IL34: variants seen among roughly 807,000 people sequenced by gnomAD.
IL34 encodes interleukin 34, also known as interleukin-34.
IL34 carries 17 observed loss-of-function variants against 25.3 expected under a neutral mutation model. The observed-to-expected ratio is 0.67, with a 90% confidence interval of 0.46 to 1.01. The LOEUF (loss-of-function observed/expected upper bound fraction) is 1.01, where lower values mean the gene tolerates loss of function less well. IL34 is among the 50% of genes least tolerant of loss of function. IL34 has a pLI of 0.00. For missense variants in IL34, 368 were observed against 312.9 expected, an observed-to-expected ratio of 1.18 and a Z score of -1.33; for synonymous variants, 174 against 140.9, an observed-to-expected ratio of 1.23 and a Z score of -1.66.
chr16:70,647,100 T>C (rs1354356080), intron 1 of IL34, 125 bp downstream of exon 1: 1 of 852,020 alleles, frequency 1.2e-6, no homozygotes, highest in East Asian at 3.3e-5. Flanking sequence ...CCAGCCGGAC[T>C]GCAGACACCC....
At chr16:70,612,232 T>C (rs1448747160) in intron 1 of IL34, among the ~76,000 whole-genome samples, 1 of 151,612 alleles carries the variant, frequency 6.6e-6, no homozygotes, top group Non-Finnish European at 1.5e-5. Flanking sequence ...TTTAAGAGTC[T>C]CTAAAGCTGT....
intron 1 of IL34, among the ~76,000 whole-genome samples, chr16:70,600,057 G>A (rs1004601313): frequency 5.9e-5 from 9 of 152,010 alleles, no homozygotes; most frequent in Admixed American, 4.6e-4. Context: ...ACCCTGACAC[G>A]GCTTCTCTGT....
intron 1 of IL34, among the ~76,000 whole-genome samples, chr16:70,636,285 C>G (rs755522933): frequency 5.9e-5 from 9 of 152,104 alleles, no homozygotes; most frequent in African/African-American, 2.2e-4. Flanking sequence ...ATCCCCCTGC[C>G]TCAGCCTCCC....
chr16:70,596,877 G>A (rs985053894), intron 1 of IL34, among the ~76,000 whole-genome samples: 1 of 151,978 alleles, frequency 6.6e-6, no homozygotes, highest in Non-Finnish European at 1.5e-5. Context: ...ATGAGCCACC[G>A]CGACCAGCCT....
intron 1 of IL34, among the ~76,000 whole-genome samples, chr16:70,620,054 T>C (rs1203743693): frequency 2.6e-5 from 4 of 152,012 alleles, no homozygotes; most frequent in Admixed American, 2.6e-4. Context: ...TTGCAACTTT[T>C]TTCTATTATT....
chr16:70,603,279 AT>A (rs1360820244), intron 1 of IL34, among the ~76,000 whole-genome samples: 2 of 151,126 alleles, frequency 1.3e-5, no homozygotes, highest in Non-Finnish European at 2.9e-5. Flanking sequence ...TTTATTTTTT[AT>A]TTGTTATTAT....
At chr16:70,597,991 C>T (rs1021800334) in intron 1 of IL34, among the ~76,000 whole-genome samples, 3 of 152,144 alleles carry the variant, frequency 2.0e-5, no homozygotes, top group Admixed American at 6.5e-5. Flanking sequence ...ACTACAGGTG[C>T]CCGCCACCAT....
intron 1 of IL34, among the ~76,000 whole-genome samples, chr16:70,624,920 G>A (rs1295939519): frequency 2.0e-5 from 3 of 151,902 alleles, no homozygotes; most frequent in Non-Finnish European, 4.4e-5. Context: ...ACAGGCGGGA[G>A]GGAAAGAAGG....
At chr16:70,643,272 C>G (rs1358383513), upstream of IL34, among the ~76,000 whole-genome samples, 2 of 152,302 alleles carry the variant, frequency 1.3e-5, no homozygotes, top group Middle Eastern at 3.4e-3. Flanking sequence ...CCATATTGGC[C>G]AGGCTGGTCT....
At position 70,660,573 on chromosome 16, in the gene IL34, GC is replaced by G. The variant is rs2052382870; in HGVS notation, c.*388del. On this transcript the variant is annotated 3_prime_UTR_variant, in exon 6 of 6. Coordinates refer to ENST00000288098, the MANE Select transcript of IL34 (RefSeq NM_001393494.1). ...GGCGTGGCCATTCTATGACCCCCCAGCCTGGCAGACTGGGGAGCTGGGGGCA... is the reference window on the plus strand; with the variant it reads ...GGCGTGGCCATTCTATGACCCCCCAGCTGGCAGACTGGGGAGCTGGGGGCA... 1 of 188,868 alleles carries G rather than the reference GC, an allele frequency of 5.3e-6. No homozygotes were observed. The highest frequency in any genetic ancestry group is 2.3e-5 in the African/African-American group (1 of 42,816). 11.7% of individuals were successfully genotyped at this position (188,868 alleles called of 1,614,324 possible). A position where few individuals can be genotyped will look rare whatever the true frequency, so the allele number is the denominator to read the frequency against.
At chr16:70,634,253 C>G (rs921770093) in intron 1 of IL34, among the ~76,000 whole-genome samples, 1 of 152,038 alleles carries the variant, frequency 6.6e-6, no homozygotes, top group Non-Finnish European at 1.5e-5. Flanking sequence ...ACTCTGTTTC[C>G]AAACAAGGTC....
chr16:70,650,578 G>A (rs78490754), intron 1 of IL34, among the ~76,000 whole-genome samples: 6,323 of 152,296 alleles, frequency 0.042, 328 homozygotes, highest in African/African-American at 0.12. Context: ...AAAAGACCCA[G>A]TGTGGACAGA....
chr16:70,580,854 G>A (rs1255807705), intron 1 of IL34, among the ~76,000 whole-genome samples: 8 of 151,642 alleles, frequency 5.3e-5, no homozygotes, highest in Admixed American at 5.3e-4. Context: ...GCATAGGTAA[G>A]TCTTTCTCAT....
intron 1 of IL34, among the ~76,000 whole-genome samples, chr16:70,627,192 C>G (rs1482066635): frequency 6.6e-6 from 1 of 152,082 alleles, no homozygotes; most frequent in East Asian, 1.9e-4. Context: ...CTCTTTCAGG[C>G]TATTCTTGCT....
chr16:70,604,175 A>T (rs2050962219), intron 1 of IL34, among the ~76,000 whole-genome samples: 1 of 152,216 alleles, frequency 6.6e-6, no homozygotes, highest in African/African-American at 2.4e-5. Context: ...CAAAGCCTGT[A>T]AGCCAGGCCC....
upstream of IL34, among the ~76,000 whole-genome samples, chr16:70,646,305 C>T (rs1356165456): frequency 1.3e-5 from 2 of 152,142 alleles, no homozygotes; most frequent in Non-Finnish European, 2.9e-5. Flanking sequence ...TGAACTCAAA[C>T]CACCTGTTCA....
At chr16:70,620,464 G>A (rs1375010858) in intron 1 of IL34, among the ~76,000 whole-genome samples, 2 of 152,022 alleles carry the variant, frequency 1.3e-5, no homozygotes, top group Non-Finnish European at 2.9e-5. Flanking sequence ...AGATAGGGTG[G>A]AGGAGCGGAG....
chr16:70,636,115 T>A (rs552850748), intron 1 of IL34, among the ~76,000 whole-genome samples: 1 of 151,992 alleles, frequency 6.6e-6, no homozygotes, highest in African/African-American at 2.4e-5. Flanking sequence ...CTCAACTCAA[T>A]GTAGCCTTCA....
intron 1 of IL34, among the ~76,000 whole-genome samples, chr16:70,606,483 C>G (rs1189155885): frequency 1.3e-5 from 2 of 152,156 alleles, no homozygotes; most frequent in Admixed American, 1.3e-4. Flanking sequence ...TCCCTCAAAC[C>G]TTCATGCAGT....
Sources: gnomAD v4.1 joint callset for allele counts (sites outside exome capture counted in the v4.1 genomes callset) on GRCh38, gnomAD v4.1.1 for gene constraint, MANE v1.5 for transcripts, NCBI Gene and HGNC (gene_info 2026-07-23, HGNC 2026-07-21) for gene names.